Variants in AGBL4 observed in about 807,000 individuals in gnomAD.
AGBL4 encodes AGBL carboxypeptidase 4, also known as cytosolic carboxypeptidase 6.
In AGBL4, 58 loss-of-function variants were observed where a neutral mutation model predicts 66.4. The observed-to-expected ratio is 0.87, with a 90% CI of 0.71 to 1.09. The LOEUF is 1.09. Ranked by LOEUF, AGBL4 falls within the 50% of genes least tolerant of loss-of-function variation. The pLI, the probability that AGBL4 is intolerant of heterozygous loss-of-function variation, is 0.00. For missense variants in AGBL4, 579 were observed against 631.0 expected (o/e 0.92, Z 0.88); for synonymous variants, 234 against 222.9 (o/e 1.05, Z -0.44).
intron 4 of AGBL4, among the ~76,000 whole-genome samples, chr1:49,131,826 T>C (rs1029441447): frequency 6.6e-5 from 10 of 152,074 alleles, no homozygotes; most frequent in African/African-American, 2.4e-4. Flanking sequence ...TCTTCTGAAA[T>C]AGGAGATATT....
Position 49,746,075 on chromosome 1 carries a change from CAATT to C in AGBL4, c.158-48642_158-48639del, listed in dbSNP as rs529257647. Among the ~76,000 whole-genome samples the C allele has an allele frequency of 5.8e-4, 88 of 152,036 alleles. No individual in the cohort carries two copies. The South Asian group carries it at 7.0e-3, about 12-fold the overall frequency. ...CCAAGAAGCTATTAATTTGTTCATT[CAATT>C]AATTATTTAATTTTATTAGACACAC... On this transcript the variant is annotated intron_variant, in intron 2 of 13. Coordinates refer to ENST00000371839, the MANE Select transcript of AGBL4 (RefSeq NM_032785.4).
At chr1:48,761,420 G>A in intron 6 of AGBL4, 1 of 1,551,340 alleles carries the variant, frequency 6.4e-7, no homozygotes, top group Non-Finnish European at 8.7e-7. Flanking sequence ...GAAAGCTTGG[G>A]GATTTTTATT....
At chr1:48,755,929 A>T (rs1652470726) in intron 6 of AGBL4, among the ~76,000 whole-genome samples, 1 of 152,212 alleles carries the variant, frequency 6.6e-6, no homozygotes, top group Non-Finnish European at 1.5e-5. Context: ...TCAATATTGT[A>T]AGAGGATACT....
intron 4 of AGBL4, among the ~76,000 whole-genome samples, chr1:49,197,012 A>G (rs970459062): frequency 6.6e-6 from 1 of 151,936 alleles, no homozygotes; most frequent in Non-Finnish European, 1.5e-5. Flanking sequence ...TCTTTTTAGT[A>G]GAGATGGGGT....
chr1:49,674,558 T>C (rs935007220), intron 3 of AGBL4, among the ~76,000 whole-genome samples: 2 of 133,870 alleles, frequency 1.5e-5, no homozygotes, highest in Non-Finnish European at 3.1e-5. Flanking sequence ...AAAGAATATA[T>C]ATAAGAATAA....
intron 4 of AGBL4, among the ~76,000 whole-genome samples, chr1:49,129,949 A>G (rs1162625451): frequency 1.3e-5 from 2 of 152,090 alleles, no homozygotes; most frequent in Admixed American, 1.3e-4. Context: ...AAGTGTTCCT[A>G]TTTCTCCACA....
At chr1:48,608,051 C>G (rs1645179255) in intron 9 of AGBL4, among the ~76,000 whole-genome samples, 1 of 152,174 alleles carries the variant, frequency 6.6e-6, no homozygotes, top group African/African-American at 2.4e-5. Context: ...AGGGGCATTT[C>G]AGAAGACAAG....
intron 4 of AGBL4, among the ~76,000 whole-genome samples, chr1:49,134,621 G>A (rs1645972085): frequency 6.6e-6 from 1 of 151,766 alleles, no homozygotes; most frequent in African/African-American, 2.4e-5. Flanking sequence ...TGGCTCCCAG[G>A]CAGTCAGACC....
intron 3 of AGBL4, among the ~76,000 whole-genome samples, chr1:49,651,046 A>G (rs1442646927): frequency 6.6e-6 from 1 of 152,196 alleles, no homozygotes; most frequent in Non-Finnish European, 1.5e-5. Flanking sequence ...CACAGCACAG[A>G]CAAGCCACAG....
intron 4 of AGBL4, among the ~76,000 whole-genome samples, chr1:49,164,779 C>T (rs1472978940): frequency 1.3e-5 from 2 of 152,164 alleles, no homozygotes; most frequent in African/African-American, 4.8e-5. Context: ...CTTCGATCTC[C>T]AGTCACTATG....
intron 6 of AGBL4, among the ~76,000 whole-genome samples, chr1:48,820,669 T>C (rs1487674089): frequency 6.6e-6 from 1 of 152,162 alleles, no homozygotes; most frequent in Non-Finnish European, 1.5e-5. Context: ...TCCTAGGTCT[T>C]GAGCCTGTCA....
chr1:49,397,316 G>A (rs1644994040), intron 3 of AGBL4, among the ~76,000 whole-genome samples: 1 of 152,032 alleles, frequency 6.6e-6, no homozygotes, highest in African/African-American at 2.4e-5. Context: ...ATACCACAAT[G>A]AAACTAGAGA....
intron 3 of AGBL4, among the ~76,000 whole-genome samples, chr1:49,486,928 T>C (rs1055036755): frequency 6.6e-6 from 1 of 151,994 alleles, no homozygotes; most frequent in Non-Finnish European, 1.5e-5. Flanking sequence ...TAATTCAAGC[T>C]ATGACATAAC....
intron 3 of AGBL4, among the ~76,000 whole-genome samples, chr1:49,652,600 G>C (rs752951687): frequency 6.6e-6 from 1 of 152,128 alleles, no homozygotes; most frequent in Admixed American, 6.5e-5. Flanking sequence ...CAATGGGTAG[G>C]GATGGCCACC....
chr1:48,743,930 G>T (rs1328543157), intron 6 of AGBL4, among the ~76,000 whole-genome samples: 1 of 152,186 alleles, frequency 6.6e-6, no homozygotes, highest in Non-Finnish European at 1.5e-5. Context: ...ACTGAAAGAC[G>T]AAGTCTCTGT....
At chr1:49,522,382 CCT>C (rs769448995) in intron 3 of AGBL4, among the ~76,000 whole-genome samples, 1 of 152,104 alleles carries the variant, frequency 6.6e-6, no homozygotes, top group African/African-American at 2.4e-5. Context: ...GAGAAATCTC[CCT>C]GTGTCACTAG....
chr1:48,705,191 A>ACTT (rs1195792012), intron 6 of AGBL4, among the ~76,000 whole-genome samples: 1 of 152,210 alleles, frequency 6.6e-6, no homozygotes, highest in Non-Finnish European at 1.5e-5. Flanking sequence ...AGTACTTTAA[A>ACTT]CTTCTATATT....
At chr1:49,504,988 T>C (rs1263405996) in intron 3 of AGBL4, among the ~76,000 whole-genome samples, 1 of 152,046 alleles carries the variant, frequency 6.6e-6, no homozygotes, top group Non-Finnish European at 1.5e-5. Flanking sequence ...TTTGATTCTT[T>C]GCTTTTTTAT....
At chr1:49,777,366 T>C (rs1270334012) in intron 2 of AGBL4, among the ~76,000 whole-genome samples, 1 of 152,214 alleles carries the variant, frequency 6.6e-6, no homozygotes, top group Non-Finnish European at 1.5e-5. Context: ...AATTGATTCA[T>C]GTTTTGTAAT....
Sources: gnomAD v4.1 joint callset for allele counts (sites outside exome capture counted in the v4.1 genomes callset) on GRCh38, gnomAD v4.1.1 for gene constraint, MANE v1.5 for transcripts, NCBI Gene and HGNC (gene_info 2026-07-23, HGNC 2026-07-21) for gene names.